Variants in KLC2 observed in about 807,000 individuals in gnomAD.
The protein encoded by KLC2 is kinesin light chain 2.
A neutral mutation model predicts 75.1 loss-of-function variants in KLC2; 35 were observed. The ratio of observed to expected loss-of-function variants is 0.47; its 90% CI spans 0.36 to 0.62. The LOEUF (loss-of-function observed/expected upper bound fraction) is 0.62, where lower values mean the gene tolerates loss of function less well. KLC2 is among the 20% of genes least tolerant of loss of function. The pLI is 0.00. For missense variants in KLC2, 611 were observed against 833.2 expected (o/e 0.73, Z 3.28); for synonymous variants, 314 against 336.7 (o/e 0.93, Z 0.74).
the KLC2 span, among the ~76,000 whole-genome samples, chr11:66,246,559 C>T: frequency 5.9e-5 from 9 of 152,158 alleles, no homozygotes; most frequent in African/African-American, 1.9e-4. Context: ...TCCCCTCTGC[C>T]AGGACTTTCC....
In KLC2 at chr11:66,266,687, A is replaced by G. The variant is rs773137483; in HGVS notation, c.1786-186A>G. ...GGTGGACGTGTAAACGGCCAGTGCT[A>G]ACACCGTCACTGTGGAGATGGACGG... On this transcript the variant is annotated intron_variant, in intron 15 of 15. Transcript: ENST00000394067. 5.6e-5 allele frequency: 47 copies of G among 841,786 alleles called. 1 individual carries two copies. The highest frequency in any genetic ancestry group is 8.5e-5 in the Non-Finnish European group (42 of 496,356). The allele number at this position is 841,786 out of a possible 1,614,324, so 52.1% of individuals were successfully genotyped here.
intron 9 of KLC2, chr11:66,264,649 G>A: frequency 1.7e-6 from 1 of 600,476 alleles, no homozygotes; most frequent in Admixed American, 2.9e-5. Context: ...CCCTTGGCCT[G>A]CTAGGGCCTC....
At chr11:66,256,495 A>G (rs1856043386), upstream of KLC2, among the ~76,000 whole-genome samples, 1 of 152,220 alleles carries the variant, frequency 6.6e-6, no homozygotes, top group Admixed American at 6.5e-5. Context: ...AGGTTGAGGC[A>G]GGAGAATTGC....
upstream of KLC2, among the ~76,000 whole-genome samples, chr11:66,255,002 C>T (rs549248644): frequency 1.8e-3 from 277 of 152,140 alleles, 1 homozygote; most frequent in Non-Finnish European, 2.1e-3. Context: ...GGAAAGCCTT[C>T]TAAGAAAGTT....
chr11:66,267,651 C>T lies in KLC2; in HGVS notation c.*695C>T, dbSNP rs912542080. ...CCGCATCCCGGCCTTATGCACTGCC[C>T]CTCCCACCCGGCCCCGCCCAGGCAC... On this transcript the variant is annotated 3_prime_UTR_variant, in exon 16 of 16. Coordinates refer to ENST00000394067, the MANE Select transcript of KLC2 (RefSeq NM_001318734.2). 8.9e-6 allele frequency: 5 copies of T among 564,648 alleles called. No individual in the cohort carries two copies. The highest frequency in any genetic ancestry group is 1.6e-5 in the Non-Finnish European group (5 of 318,636). The allele number at this position is 564,648 out of a possible 1,614,324, so 35.0% of individuals were successfully genotyped here. A position where few individuals can be genotyped will look rare whatever the true frequency, so the allele number is the denominator to read the frequency against.
intron 1 of KLC2, chr11:66,258,265 G>C: frequency 2.9e-6 from 1 of 340,640 alleles, no homozygotes; most frequent in South Asian, 3.2e-5. Context: ...CTGCACAGGA[G>C]TGAGCCCCCA....
intron 9 of KLC2, chr11:66,264,781 C>T: frequency 3.4e-6 from 2 of 587,702 alleles, no homozygotes; most frequent in South Asian, 2.1e-5. Context: ...GCTCCTGAGT[C>T]CCTCGGAGCC....
rs566638097 is a variant in KLC2, at chr11:66,267,153, C to G, written c.*197C>G. ...GGGCCTGCCCACTCCAGCTCCATCC[C>G]TTATTTATTCCTTCCAGCAGGGCCC... On this transcript the variant is annotated 3_prime_UTR_variant, in exon 16 of 16. Coordinates refer to ENST00000394067, the MANE Select transcript of KLC2 (RefSeq NM_001318734.2). The G allele has an allele frequency of 9.7e-6, 15 of 1,542,834 alleles. No homozygotes were observed. In the East Asian group the frequency reaches 3.7e-4, roughly 38 times the overall value.
the KLC2 span, among the ~76,000 whole-genome samples, chr11:66,249,658 C>T: frequency 6.6e-6 from 1 of 152,074 alleles, no homozygotes; most frequent in African/African-American, 2.4e-5. Flanking sequence ...TCAGAGCCTC[C>T]CCTCCCAACT....
chr11:66,266,260 C>G, intron 14 of KLC2, 43 bp downstream of exon 14: 1 of 1,566,880 alleles, frequency 6.4e-7, no homozygotes, highest in Non-Finnish European at 8.7e-7. Context: ...CACCCAGCAA[C>G]CCCGGATGAG....
At chr11:66,244,225 C>T in the KLC2 span, 1 of 152,426 alleles carries the variant, frequency 6.6e-6, no homozygotes, top group African/African-American at 2.4e-5. Context: ...GCCCCTCAGA[C>T]ATTCTGTTTC....
chr11:66,255,155 A>G (rs1303956019), upstream of KLC2, among the ~76,000 whole-genome samples: 6 of 152,244 alleles, frequency 3.9e-5, no homozygotes, highest in Non-Finnish European at 7.3e-5. Flanking sequence ...GCACAGAGGC[A>G]GACTTACCAA....
At chr11:66,262,435 T>C (rs2134816795) in intron 4 of KLC2, 1 of 571,464 alleles carries the variant, frequency 1.7e-6, no homozygotes, top group East Asian at 2.9e-5. Flanking sequence ...TGCCACTAGC[T>C]TCCCTGACCC....
At chr11:66,254,924 CAAA>C (rs771208631), upstream of KLC2, among the ~76,000 whole-genome samples, 31 of 140,254 alleles carry the variant, frequency 2.2e-4, no homozygotes, top group East Asian at 3.5e-3. Context: ...GACTCCATCT[CAAA>C]AAAAAAAAAG....
chr11:66,266,731 G>A (rs1217461804), intron 15 of KLC2, 142 bp from the exon 16 acceptor site: 1 of 907,870 alleles, frequency 1.1e-6, no homozygotes, highest in Non-Finnish European at 1.8e-6. Context: ...GGGCACCAGG[G>A]TGTGGCCTTG....
At chr11:66,251,992 T>C in the KLC2 span, among the ~76,000 whole-genome samples, 5 of 152,178 alleles carry the variant, frequency 3.3e-5, no homozygotes, top group Non-Finnish European at 5.9e-5. Flanking sequence ...AGCTCATCCC[T>C]CGCTGGGCTC....
chr11:66,266,149 G>A lies in KLC2; in HGVS notation c.1659G>A (p.Leu553=). The A allele has an allele frequency of 1.9e-6, 3 of 1,613,782 alleles. No homozygotes were observed. The highest frequency in any genetic ancestry group is 2.5e-6 in the Non-Finnish European group (3 of 1,179,930). The change falls in exon 14 of 16, where the codon CTG becomes CTA. Residue 553 remains leucine (L), a synonymous_variant. Transcript: ENST00000394067. ...CCTTTGGGAAACTCCGGGATGCCCT[G>A]AGGCGCAGCAGTGAGATGCTGGTAA... The part of the protein sequence containing the change: ...SGSFGKLRDA[L]RRSSEMLVKK...
rs1284196007 is a variant in KLC2 at position 66,267,411 on chromosome 11, TC to T, written c.*456del. On this transcript the variant is annotated 3_prime_UTR_variant, in exon 16 of 16. Transcript: ENST00000394067. ...TACTACCCGGGCCTCCCCTCGTCCCTCTTCTAGTGGTACCGCCCAGGCCTTA... is the reference window on the plus strand; with the variant it reads ...TACTACCCGGGCCTCCCCTCGTCCCTTTCTAGTGGTACCGCCCAGGCCTTA... The T allele has an allele frequency of 9.8e-6, 7 of 717,702 alleles. No individual in the cohort carries two copies. The highest frequency in any genetic ancestry group is 8.9e-5 in the South Asian group (6 of 67,600). The allele number at this position is 717,702 out of a possible 1,614,324, so 44.5% of individuals were successfully genotyped here. A position where few individuals can be genotyped will look rare whatever the true frequency, so the allele number is the denominator to read the frequency against.
chr11:66,252,083 T>A, the KLC2 span, among the ~76,000 whole-genome samples: 1 of 152,184 alleles, frequency 6.6e-6, no homozygotes. Context: ...TGCCGCCTCA[T>A]TTGTGGCTCA....
Sources: allele counts gnomAD v4.1 joint callset (sites outside exome capture counted in the v4.1 genomes callset), GRCh38; gene constraint gnomAD v4.1.1; transcripts MANE v1.5; gene names NCBI Gene and HGNC (gene_info 2026-07-23, HGNC 2026-07-21).